GATB: variants seen among roughly 807,000 people sequenced by gnomAD.
The protein encoded by GATB is glutamyl-tRNA(Gln) amidotransferase subunit B, mitochondrial.
A neutral mutation model predicts 62.3 loss-of-function variants in GATB; 39 were observed. The observed-to-expected ratio is 0.63, with a 90% CI of 0.48 to 0.82. GATB has a LOEUF of 0.82. Among genes scored for constraint, GATB ranks in the 40% least tolerant of loss-of-function variants. GATB has a pLI of 0.00. For missense variants in GATB, 670 were observed against 684.0 expected, an observed-to-expected ratio of 0.98 and a Z score of 0.23; for synonymous variants, 276 against 258.9, an observed-to-expected ratio of 1.07 and a Z score of -0.63.
intron 2 of GATB, among the ~76,000 whole-genome samples, chr4:151,737,028 T>C (rs895241561): frequency 1.3e-5 from 2 of 152,158 alleles, no homozygotes; most frequent in African/African-American, 4.8e-5. Context: ...TAAAGTAAAC[T>C]GGTACCAGGA....
At chr4:151,676,001 G>C (rs1737993372) in intron 11 of GATB, 1 of 152,272 alleles carries the variant, frequency 6.6e-6, no homozygotes, top group Non-Finnish European at 1.5e-5. Flanking sequence ...TCCAAGGTCA[G>C]GATATGGTGG....
At chr4:151,748,985 C>T (rs1739659538) in intron 2 of GATB, among the ~76,000 whole-genome samples, 1 of 152,024 alleles carries the variant, frequency 6.6e-6, no homozygotes, top group African/African-American at 2.4e-5. Context: ...GTTAGAATGG[C>T]GATCATTAAA....
intron 9 of GATB, among the ~76,000 whole-genome samples, chr4:151,700,099 G>A (rs180671615): frequency 9.3e-4 from 142 of 152,310 alleles, no homozygotes; most frequent in Non-Finnish European, 1.2e-3. Flanking sequence ...GTTTTGTTAC[G>A]TCAACCTAGG....
chr4:151,746,538 G>T (rs1207192356), intron 2 of GATB, among the ~76,000 whole-genome samples: 1 of 152,108 alleles, frequency 6.6e-6, no homozygotes, highest in Non-Finnish European at 1.5e-5. Context: ...GATTTTACTA[G>T]GTCCAAATAA....
chr4:151,749,632 T>TATA (rs35507949), intron 2 of GATB, among the ~76,000 whole-genome samples: 88,072 of 151,006 alleles, frequency 0.58, 28,017 homozygotes, highest in African/African-American at 0.86. Flanking sequence ...GAACTTCAAG[T>TATA]ATAATTATAT....
At chr4:151,699,811 A>G (rs951655675) in intron 9 of GATB, among the ~76,000 whole-genome samples, 2 of 152,182 alleles carry the variant, frequency 1.3e-5, no homozygotes, top group Non-Finnish European at 2.9e-5. Context: ...AATGTTATAT[A>G]TAGTCAATTT....
intron 2 of GATB, among the ~76,000 whole-genome samples, chr4:151,743,574 C>T (rs919892632): frequency 6.6e-6 from 1 of 152,234 alleles, no homozygotes; most frequent in African/African-American, 2.4e-5. Context: ...CCAGCAACTT[C>T]AACTATAGTG....
At chr4:151,747,782 T>C (rs1739631892) in intron 2 of GATB, among the ~76,000 whole-genome samples, 1 of 152,164 alleles carries the variant, frequency 6.6e-6, no homozygotes, top group Non-Finnish European at 1.5e-5. Context: ...TGGAATTCTA[T>C]ACTACTATTC....
At chr4:151,674,376 G>A (rs1227715748) in intron 11 of GATB, 3 of 152,164 alleles carry the variant, frequency 2.0e-5, no homozygotes. Context: ...CCTGTAAGTC[G>A]GAGGAGTCCA....
chr4:151,755,293 G>A (rs1459154785), intron 2 of GATB, among the ~76,000 whole-genome samples: 1 of 152,092 alleles, frequency 6.6e-6, no homozygotes, highest in African/African-American at 2.4e-5. Flanking sequence ...ATTGTCCTAT[G>A]TCACTAAAAG....
chr4:151,741,078 C>G (rs1424778413), intron 2 of GATB, among the ~76,000 whole-genome samples: 1 of 152,106 alleles, frequency 6.6e-6, no homozygotes, highest in African/African-American at 2.4e-5. Flanking sequence ...GTTCCAAGAC[C>G]CCTGGGGGAT....
In GATB at chr4:151,702,057, G is replaced by A. The variant is rs372291342; in HGVS notation, c.1008-539C>T. ...AAGCATGTCTGAACAAGAAAGGGAC[G>A]GTAAAAATGCCATATGACAATCTTA... is the stretch of plus-strand genomic sequence containing the variant. On this transcript the variant is annotated intron_variant, in intron 8 of 12. Transcript: ENST00000263985. Among the ~76,000 whole-genome samples, 14 of 152,230 alleles carry A rather than the reference G, an allele frequency of 9.2e-5. No homozygotes were observed. The East Asian group carries it at 2.5e-3, about 27-fold the overall frequency.
intron 10 of GATB, among the ~76,000 whole-genome samples, chr4:151,681,311 G>C (rs1403684481): frequency 6.6e-6 from 1 of 152,192 alleles, no homozygotes; most frequent in Admixed American, 6.5e-5. Context: ...TTATCCCAAA[G>C]TATGACTAAA....
intron 10 of GATB, among the ~76,000 whole-genome samples, chr4:151,681,850 G>A (rs1254446840): frequency 6.6e-6 from 1 of 152,150 alleles, no homozygotes; most frequent in Non-Finnish European, 1.5e-5. Flanking sequence ...TGGAAGGAGC[G>A]AGGGAGCTCT....
intron 9 of GATB, among the ~76,000 whole-genome samples, chr4:151,697,953 G>GTATATCTA (rs1738511678): frequency 4.9e-5 from 2 of 40,610 alleles, no homozygotes. Flanking sequence ...GTGTGTGTGT[G>GTATATCTA]TATATATATA....
chr4:151,729,212 T>A (rs1739195658), intron 2 of GATB, among the ~76,000 whole-genome samples: 1 of 152,196 alleles, frequency 6.6e-6, no homozygotes, highest in Non-Finnish European at 1.5e-5. Context: ...TTTCCTTAAT[T>A]ATGTTTGCTT....
chr4:151,725,047 G>A (rs1426459896), intron 2 of GATB, among the ~76,000 whole-genome samples: 1 of 152,196 alleles, frequency 6.6e-6, no homozygotes, highest in African/African-American at 2.4e-5. Context: ...ACGTCAAAGA[G>A]GGCACATTTG....
intron 2 of GATB, among the ~76,000 whole-genome samples, chr4:151,750,161 G>A (rs926752711): frequency 1.8e-4 from 28 of 152,268 alleles, no homozygotes; most frequent in African/African-American, 5.3e-4. Context: ...GATTATAGGC[G>A]TGAGCCACCA....
At chr4:151,747,375 GAA>G (rs774233803) in intron 2 of GATB, among the ~76,000 whole-genome samples, 6 of 152,212 alleles carry the variant, frequency 3.9e-5, no homozygotes, top group Non-Finnish European at 7.3e-5. Context: ...GGCCATAGGT[GAA>G]AAAGAGTCTT....
Sources: gnomAD v4.1 joint callset for allele counts (sites outside exome capture counted in the v4.1 genomes callset) on GRCh38, gnomAD v4.1.1 for gene constraint, MANE v1.5 for transcripts, NCBI Gene and HGNC (gene_info 2026-07-23, HGNC 2026-07-21) for gene names.